Variants in LDB2 observed in about 807,000 individuals in gnomAD.
The protein encoded by LDB2 is LIM domain-binding protein 2.
Under a neutral mutation model 44.3 loss-of-function variants are expected in LDB2, and 12 were observed. That is an observed-to-expected ratio of 0.27 (90% CI 0.17 to 0.44). The LOEUF is 0.44. Among genes scored for constraint, LDB2 ranks in the 20% least tolerant of loss-of-function variants. LDB2 has a pLI of 1.00. For synonymous variants in LDB2, 164 were observed against 174.8 expected (o/e 0.94, Z 0.49); for missense variants, 344 against 473.5 (o/e 0.73, Z 2.54).
chr4:16,826,620 T>C lies in LDB2; in HGVS notation c.133-67360A>G, dbSNP rs941389345. The C allele has an allele frequency of 3.3e-5, 5 of 152,258 alleles. No homozygotes were observed. The East Asian group carries it at 5.8e-4, about 18-fold the overall frequency. 9.4% of individuals were successfully genotyped at this position (152,258 alleles called of 1,614,324 possible). A position where few individuals can be genotyped will look rare whatever the true frequency, so the allele number is the denominator to read the frequency against. On this transcript the variant is annotated intron_variant, in intron 1 of 7. Transcript: ENST00000304523. ...CAGGCTCCTCCCGCAAAAGGTTTTA[T>C]AAGATAGACAGAGTTCTTCAACAAG...
chr4:16,551,939 T>C (rs1737830260), intron 5 of LDB2, among the ~76,000 whole-genome samples: 1 of 152,208 alleles, frequency 6.6e-6, no homozygotes, highest in African/African-American at 2.4e-5. Context: ...TTCATTCTTT[T>C]TACATAATTT....
At chr4:16,601,568 T>A (rs960770698) in intron 2 of LDB2, among the ~76,000 whole-genome samples, 1 of 152,178 alleles carries the variant, frequency 6.6e-6, no homozygotes, top group Non-Finnish European at 1.5e-5. Flanking sequence ...ACCAAGCACA[T>A]GTTTTTAATT....
chr4:16,636,481 T>C (rs1290777177), intron 2 of LDB2, among the ~76,000 whole-genome samples: 1 of 152,202 alleles, frequency 6.6e-6, no homozygotes, highest in East Asian at 1.9e-4. Flanking sequence ...AAATGCCTTA[T>C]GGTTCTGATG....
At chr4:16,680,212 T>A (rs1747462329) in intron 2 of LDB2, among the ~76,000 whole-genome samples, 1 of 152,228 alleles carries the variant, frequency 6.6e-6, no homozygotes, top group Non-Finnish European at 1.5e-5. Context: ...TGAGACAGCA[T>A]CTTAATGCTG....
chr4:16,807,819 C>T (rs190399544), intron 1 of LDB2, among the ~76,000 whole-genome samples: 297 of 152,310 alleles, frequency 1.9e-3, no homozygotes, highest in African/African-American at 7.0e-3. Flanking sequence ...ATATTCATTC[C>T]TCTTCCAGCC....
At chr4:16,651,602 C>G (rs113053328) in intron 2 of LDB2, among the ~76,000 whole-genome samples, 250 of 150,220 alleles carry the variant, frequency 1.7e-3, no homozygotes, top group African/African-American at 5.8e-3. Flanking sequence ...TTTTTAATGT[C>G]TACGCTTATA....
chr4:16,745,676 C>T (rs1764250881), intron 2 of LDB2, among the ~76,000 whole-genome samples: 1 of 152,088 alleles, frequency 6.6e-6, no homozygotes, highest in African/African-American at 2.4e-5. Context: ...AGCTTCATAG[C>T]AGCAATGTCG....
intron 5 of LDB2, 32 bp from the exon 6 acceptor site, chr4:16,512,136 C>T (rs754334551): frequency 3.8e-6 from 6 of 1,566,404 alleles, no homozygotes; most frequent in Middle Eastern, 1.8e-4. Context: ...TGGCATTTCA[C>T]TACTTCATAA....
chr4:16,659,334 A>C (rs1385951426), intron 2 of LDB2, among the ~76,000 whole-genome samples: 1 of 152,114 alleles, frequency 6.6e-6, no homozygotes, highest in African/African-American at 2.4e-5. Context: ...GCATCCCCGG[A>C]GCCGCTCCAT....
At chr4:16,539,121 G>A (rs1343837975) in intron 5 of LDB2, among the ~76,000 whole-genome samples, 1 of 152,186 alleles carries the variant, frequency 6.6e-6, no homozygotes. Flanking sequence ...ATGTAGGGAG[G>A]TACCCAAGCT....
chr4:16,634,656 G>T (rs917055469), intron 2 of LDB2, among the ~76,000 whole-genome samples: 2 of 152,278 alleles, frequency 1.3e-5, no homozygotes, highest in Middle Eastern at 3.4e-3. Flanking sequence ...AGATGCTGGA[G>T]AGGTTGTGGA....
chr4:16,631,152 C>T (rs1731831382), intron 2 of LDB2, among the ~76,000 whole-genome samples: 1 of 152,202 alleles, frequency 6.6e-6, no homozygotes, highest in Non-Finnish European at 1.5e-5. Flanking sequence ...CACCACATCA[C>T]ACTTATTCTA....
At chr4:16,534,336 G>A (rs1341244610) in intron 5 of LDB2, among the ~76,000 whole-genome samples, 1 of 152,146 alleles carries the variant, frequency 6.6e-6, no homozygotes, top group East Asian at 1.9e-4. Context: ...TGATGAACAA[G>A]ATGGCTTAGT....
chr4:16,745,052 A>G (rs1409542938), intron 2 of LDB2, among the ~76,000 whole-genome samples: 2 of 152,234 alleles, frequency 1.3e-5, no homozygotes, highest in East Asian at 3.8e-4. Flanking sequence ...AATTAGGTGT[A>G]ACATCCGAGG....
intron 1 of LDB2, among the ~76,000 whole-genome samples, chr4:16,768,782 C>A (rs207681): frequency 0.74 from 112,417 of 152,100 alleles, 44,795 homozygotes; most frequent in Non-Finnish European, 0.91. Flanking sequence ...GTATGCCAGT[C>A]ACCCTTCTGA....
intron 6 of LDB2, among the ~76,000 whole-genome samples, chr4:16,509,558 T>C (rs1260119117): frequency 2.6e-5 from 4 of 152,236 alleles, no homozygotes; most frequent in East Asian, 1.9e-4. Context: ...TAGAACATTA[T>C]GTAATGCTTG....
chr4:16,819,421 A>T, intron 1 of LDB2, among the ~76,000 whole-genome samples: 1 of 150,626 alleles, frequency 6.6e-6, no homozygotes. Flanking sequence ...ATTTTGGTCA[A>T]AGAAGAACCC....
chr4:16,826,166 T>A (rs1210508852), intron 1 of LDB2, among the ~76,000 whole-genome samples: 1 of 151,498 alleles, frequency 6.6e-6, no homozygotes, highest in East Asian at 1.9e-4. Context: ...GATACATAGA[T>A]CCAGAGATAG....
chr4:16,744,823 A>G (rs898634413), intron 2 of LDB2, among the ~76,000 whole-genome samples: 1 of 152,138 alleles, frequency 6.6e-6, no homozygotes, highest in Non-Finnish European at 1.5e-5. Flanking sequence ...TTGAATCCTG[A>G]CTTTATTACC....
Sources: gnomAD v4.1 joint callset for allele counts (sites outside exome capture counted in the v4.1 genomes callset) on GRCh38, gnomAD v4.1.1 for gene constraint, MANE v1.5 for transcripts, NCBI Gene and HGNC (gene_info 2026-07-23, HGNC 2026-07-21) for gene names.